The following EBF1 variants were observed in gnomAD, a reference collection of about 807,000 sequenced individuals.
The protein encoded by EBF1 is transcription factor COE1.
A neutral mutation model predicts 68.4 loss-of-function variants in EBF1; 10 were observed. That is an observed-to-expected ratio of 0.15 (90% CI 0.09 to 0.25). The LOEUF is 0.25. EBF1 is among the 10% of genes least tolerant of loss of function. The pLI, the probability that EBF1 is intolerant of heterozygous loss-of-function variation, is 1.00. For missense variants in EBF1, 509 were observed against 794.4 expected, an observed-to-expected ratio of 0.64 and a Z score of 4.32; for synonymous variants, 298 against 299.8, an observed-to-expected ratio of 0.99 and a Z score of 0.06.
chr5:159,053,323 T>C (rs1266931382), intron 6 of EBF1, among the ~76,000 whole-genome samples: 1 of 152,182 alleles, frequency 6.6e-6, no homozygotes, highest in African/African-American at 2.4e-5. Flanking sequence ...AGAATTCAGC[T>C]AATATGTGGC....
chr5:158,790,082 A>T (rs1778314910), intron 9 of EBF1, among the ~76,000 whole-genome samples: 1 of 152,216 alleles, frequency 6.6e-6, no homozygotes, highest in South Asian at 2.1e-4. Flanking sequence ...GTGTCTGGGA[A>T]TGTAGCTGAA....
At chr5:159,036,414 G>T (rs1408078443) in intron 6 of EBF1, among the ~76,000 whole-genome samples, 1 of 148,908 alleles carries the variant, frequency 6.7e-6, no homozygotes, top group African/African-American at 2.5e-5. Context: ...ATACTACAAG[G>T]CTACAGTAAC....
intron 6 of EBF1, among the ~76,000 whole-genome samples, chr5:158,959,937 A>G (rs1381819326): frequency 1.3e-5 from 2 of 152,220 alleles, no homozygotes; most frequent in Non-Finnish European, 2.9e-5. Context: ...ACAGAAAGCC[A>G]TGTGCCTATA....
At chr5:159,099,219 G>T (rs948311015) in intron 1 of EBF1, 126 bp downstream of exon 1, 18 of 658,458 alleles carry the variant, frequency 2.7e-5, no homozygotes, top group Non-Finnish European at 3.4e-5. Flanking sequence ...AGAGCGGAGC[G>T]CAGCGGCTGC....
intron 6 of EBF1, among the ~76,000 whole-genome samples, chr5:159,049,688 T>C (rs1348858236): frequency 6.6e-6 from 1 of 152,216 alleles, no homozygotes; most frequent in Non-Finnish European, 1.5e-5. Flanking sequence ...TCAAAATCAT[T>C]GAGGAGTTAA....
chr5:158,714,278 C>A, intron 11 of EBF1, 96 bp from the exon 12 acceptor site: 1 of 1,414,460 alleles, frequency 7.1e-7, no homozygotes, highest in Non-Finnish European at 1.0e-6. Context: ...CCATACTTTG[C>A]CAAGGCACTG....
At chr5:158,763,381 A>C (rs758789389) in intron 10 of EBF1, among the ~76,000 whole-genome samples, 1 of 152,206 alleles carries the variant, frequency 6.6e-6, no homozygotes, top group African/African-American at 2.4e-5. Context: ...CTGCTCTTAC[A>C]GTGGGCTCCC....
chr5:158,740,066 G>C (rs1213809444), intron 10 of EBF1, among the ~76,000 whole-genome samples: 1 of 152,204 alleles, frequency 6.6e-6, no homozygotes, highest in Non-Finnish European at 1.5e-5. Context: ...AAATGAAAAG[G>C]TCGCACAATA....
intron 6 of EBF1, among the ~76,000 whole-genome samples, chr5:159,039,977 G>T (rs996537888): frequency 6.6e-6 from 1 of 152,122 alleles, no homozygotes; most frequent in Non-Finnish European, 1.5e-5. Context: ...GCGTAAAATT[G>T]TTTTTTGCTC....
intron 8 of EBF1, among the ~76,000 whole-genome samples, chr5:158,801,958 C>T (rs1780673024): frequency 6.6e-6 from 1 of 152,120 alleles, no homozygotes; most frequent in African/African-American, 2.4e-5. Flanking sequence ...AAGCTGGAAT[C>T]GCACTTCAGC....
intron 6 of EBF1, among the ~76,000 whole-genome samples, chr5:158,937,730 TGAGA>T (rs1360337933): frequency 1.3e-5 from 2 of 152,200 alleles, no homozygotes; most frequent in East Asian, 1.9e-4. Flanking sequence ...GACAAAGAGC[TGAGA>T]AAGAGAGTGT....
chr5:158,949,993 A>G (rs1815633153), intron 6 of EBF1, among the ~76,000 whole-genome samples: 1 of 152,230 alleles, frequency 6.6e-6, no homozygotes, highest in South Asian at 2.1e-4. Flanking sequence ...TTCACGTTGT[A>G]TCACTTTTAA....
intron 4 of EBF1, among the ~76,000 whole-genome samples, chr5:159,091,807 C>A (rs73305739): frequency 2.6e-5 from 4 of 152,156 alleles, no homozygotes; most frequent in African/African-American, 9.7e-5. Flanking sequence ...TTGGACCCCC[C>A]ACTGTCCTGG....
chr5:158,820,166 G>A (rs889563468), intron 8 of EBF1, among the ~76,000 whole-genome samples: 1 of 151,808 alleles, frequency 6.6e-6, no homozygotes, highest in African/African-American at 2.4e-5. Context: ...CTGTAAATTA[G>A]ATGGTAAAAA....
At chr5:158,809,750 C>A (rs560175751) in intron 8 of EBF1, among the ~76,000 whole-genome samples, 17 of 152,282 alleles carry the variant, frequency 1.1e-4, no homozygotes, top group African/African-American at 4.1e-4. Context: ...CTGCTAAACA[C>A]ACACTGAGTC....
At chr5:158,856,827 C>T (rs1178957150) in intron 6 of EBF1, among the ~76,000 whole-genome samples, 1 of 152,168 alleles carries the variant, frequency 6.6e-6, no homozygotes, top group Non-Finnish European at 1.5e-5. Flanking sequence ...AGCTTGTGCT[C>T]ATAAGAACTG....
intron 8 of EBF1, among the ~76,000 whole-genome samples, chr5:158,808,231 C>G (rs911006852): frequency 3.9e-5 from 6 of 152,124 alleles, no homozygotes; most frequent in Admixed American, 3.9e-4. Context: ...TGTACTGACT[C>G]AACTTCCTCA....
At chr5:158,932,930 T>C (rs1157637371) in intron 6 of EBF1, among the ~76,000 whole-genome samples, 3 of 152,222 alleles carry the variant, frequency 2.0e-5, no homozygotes, top group South Asian at 2.1e-4. Flanking sequence ...AAGATCCTCA[T>C]GGGTAGATAT....
chr5:159,050,897 C>T (rs1223398627), intron 6 of EBF1, among the ~76,000 whole-genome samples: 2 of 152,136 alleles, frequency 1.3e-5, no homozygotes, highest in African/African-American at 4.8e-5. Flanking sequence ...GACTTTAGAG[C>T]CTTTGACACA....
Sources: gnomAD v4.1 joint callset for allele counts (sites outside exome capture counted in the v4.1 genomes callset) on GRCh38, gnomAD v4.1.1 for gene constraint, MANE v1.5 for transcripts, NCBI Gene and HGNC (gene_info 2026-07-23, HGNC 2026-07-21) for gene names.